Variants in IPO11 observed in about 807,000 individuals in gnomAD.
IPO11 encodes the protein importin-11.
A neutral mutation model predicts 143.2 loss-of-function variants in IPO11; 66 were observed. The observed-to-expected ratio is 0.46, with a 90% confidence interval of 0.38 to 0.57. The LOEUF (loss-of-function observed/expected upper bound fraction) is 0.57. Among genes scored for constraint, IPO11 ranks in the 20% least tolerant of loss-of-function variants. The pLI is 0.00. For synonymous variants in IPO11, 385 were observed against 377.8 expected, an observed-to-expected ratio of 1.02 and a Z score of -0.22; for missense variants, 1,026 against 1,141.0, an observed-to-expected ratio of 0.90 and a Z score of 1.45.
chr5:62,616,688 C>A (rs1024393784), intron 29 of IPO11, among the ~76,000 whole-genome samples: 31 of 137,680 alleles, frequency 2.3e-4, no homozygotes, highest in African/African-American at 7.9e-4. Context: ...CCCCTGCACT[C>A]CAGCCTGGGG....
In IPO11 at chr5:62,544,804, A is replaced by G. The variant is rs569468146; in HGVS notation, c.2251-5563A>G. ...AAATCACAAGCATTTTTATACACCA[A>G]TAACAGACAGAGAGCCAAATCATGA... On this transcript the variant is annotated intron_variant, in intron 24 of 29. Transcript: ENST00000325324. 3.9e-5 allele frequency among the ~76,000 whole-genome samples: 6 copies of G among 152,204 alleles called. No individual in the cohort carries two copies. In the South Asian group the frequency reaches 6.2e-4, roughly 16 times the overall value.
intron 20 of IPO11, among the ~76,000 whole-genome samples, chr5:62,523,254 CA>C (rs1286770395): frequency 6.6e-6 from 1 of 151,926 alleles, no homozygotes; most frequent in Non-Finnish European, 1.5e-5. Context: ...TGGGAAAGAA[CA>C]GTAGTAAATG....
chr5:62,485,439 G>T lies in IPO11; in HGVS notation c.1195G>T (p.Asp399Tyr). 6.2e-7 allele frequency: 1 copy of T among 1,609,684 alleles called. No homozygotes were observed. Among genetic ancestry groups the T allele is most frequent in the South Asian group, 1.1e-5 (1 of 90,922 alleles). Residue 399 changes from aspartate (D) to tyrosine (Y), a missense_variant, in exon 12 of 30, where the codon GAT becomes TAT. By Grantham distance (160) the Asp-to-Tyr change is radical. Transcript: ENST00000325324. ...TGCAGCAGTGGAAGAAACAGGAGGAGATTCTTGGAAATATAGTTTGAGGGT... is the reference window on the plus strand; with the variant it reads ...TGCAGCAGTGGAAGAAACAGGAGGATATTCTTGGAAATATAGTTTGAGGGT... Reference protein sequence around the residue: ...EGFTVEETGGDSWKYSLRPCT... With the variant: ...EGFTVEETGGYSWKYSLRPCT...
At chr5:62,462,807 C>T (rs190142106) in intron 5 of IPO11, among the ~76,000 whole-genome samples, 49 of 151,652 alleles carry the variant, frequency 3.2e-4, no homozygotes, top group African/African-American at 1.0e-3. Context: ...TTTTATTTGG[C>T]TGACTCTTTT....
chr5:62,598,383 GCTTGCTTGCTTTCTTTCTTT>G (rs1387654937), intron 28 of IPO11, among the ~76,000 whole-genome samples: 2 of 27,346 alleles, frequency 7.3e-5, no homozygotes, highest in East Asian at 1.0e-3. Context: ...TTGTTTGCTT[GCTTGCTTGCTTTCTTTCTTT>G]CTTTCTTTCT....
intron 1 of IPO11, among the ~76,000 whole-genome samples, chr5:62,423,855 C>T (rs747383235): frequency 4.6e-5 from 7 of 152,134 alleles, no homozygotes; most frequent in South Asian, 2.1e-4. Flanking sequence ...AACTCTTCCC[C>T]GGTCTTCACA....
In IPO11 at chr5:62,484,019, C is replaced by G; in HGVS notation, c.1031C>G (p.Pro344Arg). The change falls in exon 11 of 30, where the codon CCT becomes CGT. Residue 344 changes from proline (P) to arginine (R), a missense_variant. By Grantham distance (103) the Pro-to-Arg change is moderately radical (BLOSUM62 -2). This residue lies in a region of IPO11 where 429 missense variants were observed against 456.3 expected (regional missense o/e 0.94). Transcript: ENST00000325324. Reference protein sequence around the residue: ...KPSKNFEDSSPETLEAHKIKM... With the variant: ...KPSKNFEDSSRETLEAHKIKM... ...AATTTCATTTTTCTAGATAGCAGCC[C>G]TGAAACTCTTGAAGCCCATAAGATT... 1 of 1,602,440 alleles carries G rather than the reference C, an allele frequency of 6.2e-7. No individual in the cohort carries two copies. Among genetic ancestry groups the G allele is most frequent in the South Asian group, 1.1e-5 (1 of 88,032 alleles).
At chr5:62,599,377 C>A (rs1480999704) in intron 28 of IPO11, among the ~76,000 whole-genome samples, 5 of 152,114 alleles carry the variant, frequency 3.3e-5, no homozygotes, top group Admixed American at 6.5e-5. Flanking sequence ...AAATTTGATA[C>A]CCTGAAGTAG....
intron 29 of IPO11, among the ~76,000 whole-genome samples, chr5:62,606,668 C>T (rs138127264): frequency 1.8e-3 from 270 of 151,670 alleles, no homozygotes; most frequent in Non-Finnish European, 3.3e-3. Flanking sequence ...AACCCCATCT[C>T]TACTAAAAAT....
At chr5:62,585,118 T>G (rs1744722162) in intron 27 of IPO11, among the ~76,000 whole-genome samples, 1 of 152,232 alleles carries the variant, frequency 6.6e-6, no homozygotes, top group Admixed American at 6.5e-5. Context: ...AGCCTGTTGT[T>G]AGTATGTATC....
rs764703362 is a variant in IPO11 at position 62,419,114 on chromosome 5, G to A, written c.-7+6185G>A. 2.6e-6 allele frequency: 4 copies of A among 1,549,810 alleles called. No individual in the cohort carries two copies. The African/African-American group carries it at 5.5e-5, about 21-fold the overall frequency. Reference sequence around the variant, plus strand: ...GTTACTGCACTGAATACTGTAAGCAGTTGTCACAAAATGGTAAGTATTTGT... The same window carrying A: ...GTTACTGCACTGAATACTGTAAGCAATTGTCACAAAATGGTAAGTATTTGT... On this transcript the variant is annotated intron_variant, in intron 1 of 29. Transcript: ENST00000325324.
chr5:62,583,981 A>T (rs1298650241), intron 27 of IPO11, among the ~76,000 whole-genome samples: 1 of 152,224 alleles, frequency 6.6e-6, no homozygotes, highest in Non-Finnish European at 1.5e-5. Context: ...CTGAGGAAGA[A>T]TAGAATCCAT....
chr5:62,568,593 A>AAAAATTC (rs1744036234), intron 27 of IPO11, among the ~76,000 whole-genome samples: 6 of 150,984 alleles, frequency 4.0e-5, no homozygotes, highest in African/African-American at 1.5e-4. Context: ...AAAAAAAAAA[A>AAAAATTC]AAAATTCAAT....
At chr5:62,598,971 C>A (rs1250527056) in intron 28 of IPO11, among the ~76,000 whole-genome samples, 1 of 152,054 alleles carries the variant, frequency 6.6e-6, no homozygotes, top group African/African-American at 2.4e-5. Flanking sequence ...TGGTGGTTTG[C>A]CCTAACATAG....
intron 9 of IPO11, among the ~76,000 whole-genome samples, chr5:62,481,016 C>T (rs920638469): frequency 1.4e-5 from 2 of 146,536 alleles, no homozygotes; most frequent in Admixed American, 7.0e-5. Context: ...CCTGGGTTCA[C>T]ACCATTCTCC....
At chr5:62,591,308 A>G (rs1449348770) in intron 27 of IPO11, among the ~76,000 whole-genome samples, 1 of 152,192 alleles carries the variant, frequency 6.6e-6, no homozygotes, top group Non-Finnish European at 1.5e-5. Context: ...TAAGTAACAT[A>G]AGACTGTTAT....
intron 2 of IPO11, among the ~76,000 whole-genome samples, chr5:62,439,680 C>T (rs1744390203): frequency 1.3e-5 from 2 of 151,858 alleles, no homozygotes; most frequent in South Asian, 2.1e-4. Flanking sequence ...CCTTGGCCTC[C>T]AAATGTCTTT....
chr5:62,428,828 C>T (rs917794136), intron 1 of IPO11, among the ~76,000 whole-genome samples: 9 of 151,984 alleles, frequency 5.9e-5, no homozygotes, highest in Admixed American at 1.3e-4. Flanking sequence ...CCTGGCTAAA[C>T]TTTTTGTTTT....
chr5:62,530,963 A>G (rs1742522695), intron 22 of IPO11, among the ~76,000 whole-genome samples, 178 bp downstream of exon 22: 1 of 152,200 alleles, frequency 6.6e-6, no homozygotes, highest in Non-Finnish European at 1.5e-5. Context: ...GGTTTGGGGT[A>G]CAATTGATTC....
Sources: gnomAD v4.1 joint callset for allele counts (sites outside exome capture counted in the v4.1 genomes callset) on GRCh38, gnomAD v4.1.1 for gene constraint, gnomAD v4.1.1 regional missense constraint, MANE v1.5 for transcripts, NCBI Gene and HGNC (gene_info 2026-07-23, HGNC 2026-07-21) for gene names.